ENTREP2: variants seen among roughly 807,000 people sequenced by gnomAD.
The protein encoded by ENTREP2 is endosomal transmembrane epsin interactor 2.
At chr15:29,394,882 CTTTTTT>C in the ENTREP2 span, among the ~76,000 whole-genome samples, 151 of 95,832 alleles carry the variant, frequency 1.6e-3, no homozygotes, top group African/African-American at 7.1e-3. Flanking sequence ...GTCAGAATCT[CTTTTTT>C]TTTTTTTTTT....
the ENTREP2 span, among the ~76,000 whole-genome samples, chr15:29,429,119 A>G: frequency 6.6e-6 from 1 of 151,984 alleles, no homozygotes; most frequent in Non-Finnish European, 1.5e-5. Flanking sequence ...CTATCTATCC[A>G]TCCGTCCATT....
chr15:29,280,569 G>C, the ENTREP2 span, among the ~76,000 whole-genome samples: 766 of 152,254 alleles, frequency 5.0e-3, 6 homozygotes, highest in African/African-American at 0.018. Flanking sequence ...TAAATACAAA[G>C]ATGTTCCCTG....
the ENTREP2 span, among the ~76,000 whole-genome samples, chr15:29,353,492 T>A: frequency 6.6e-6 from 1 of 152,288 alleles, no homozygotes; most frequent in South Asian, 2.1e-4. Context: ...AGCGTATGAA[T>A]CTATGTCTAT....
chr15:29,532,441 A>G, the ENTREP2 span, among the ~76,000 whole-genome samples: 1 of 152,322 alleles, frequency 6.6e-6, no homozygotes, highest in South Asian at 2.1e-4. Flanking sequence ...TAAGCATAAA[A>G]CATGATCATA....
chr15:29,248,634 C>A, the ENTREP2 span, among the ~76,000 whole-genome samples: 1 of 151,914 alleles, frequency 6.6e-6, no homozygotes, highest in Non-Finnish European at 1.5e-5. Flanking sequence ...TATGTATATG[C>A]AATTATAAAT....
chr15:29,194,637 C>T, the ENTREP2 span, among the ~76,000 whole-genome samples: 2 of 152,310 alleles, frequency 1.3e-5, no homozygotes, highest in Non-Finnish European at 2.9e-5. Context: ...CTTTTCTCAC[C>T]AATGTACCAG....
the ENTREP2 span, among the ~76,000 whole-genome samples, chr15:29,622,294 C>T: frequency 2.0e-5 from 3 of 152,092 alleles, no homozygotes; most frequent in African/African-American, 7.2e-5. Context: ...CAACCTCTGC[C>T]TCCCAGGTTC....
the ENTREP2 span, among the ~76,000 whole-genome samples, chr15:29,363,950 T>C: frequency 6.6e-6 from 1 of 152,198 alleles, no homozygotes; most frequent in Non-Finnish European, 1.5e-5. Context: ...ACCAGGGCTT[T>C]TGGTGCCACA....
the ENTREP2 span, among the ~76,000 whole-genome samples, chr15:29,352,184 C>G: frequency 6.6e-6 from 1 of 152,260 alleles, no homozygotes; most frequent in African/African-American, 2.4e-5. Context: ...ATCCTCCTGC[C>G]TTGGCCTCCC....
At chr15:29,586,750 A>G in the ENTREP2 span, among the ~76,000 whole-genome samples, 16 of 151,954 alleles carry the variant, frequency 1.1e-4, 1 homozygote, top group African/African-American at 2.9e-4. Flanking sequence ...TACTGTCTCA[A>G]AAAAATAAAA....
chr15:29,552,140 T>C, the ENTREP2 span, among the ~76,000 whole-genome samples: 26 of 152,198 alleles, frequency 1.7e-4, no homozygotes, highest in East Asian at 7.7e-4. Context: ...TGATGAGCAG[T>C]CCTCAAGATA....
At chr15:29,648,355 A>G in the ENTREP2 span, among the ~76,000 whole-genome samples, 8 of 152,278 alleles carry the variant, frequency 5.3e-5, no homozygotes, top group East Asian at 1.2e-3. Context: ...CAGGCTGTTC[A>G]GTCCATACTA....
chr15:29,439,886 T>C, the ENTREP2 span, among the ~76,000 whole-genome samples: 2 of 152,152 alleles, frequency 1.3e-5, no homozygotes, highest in African/African-American at 4.8e-5. Context: ...GGCCAGGTGA[T>C]CAAGGTTAAC....
chr15:29,548,182 G>A, the ENTREP2 span, among the ~76,000 whole-genome samples: 13 of 151,982 alleles, frequency 8.6e-5, no homozygotes, highest in Admixed American at 2.0e-4. Context: ...AGATGGGGCC[G>A]GGTGGCTCAC....
At chr15:29,547,551 A>G in the ENTREP2 span, among the ~76,000 whole-genome samples, 1 of 152,224 alleles carries the variant, frequency 6.6e-6, no homozygotes, top group African/African-American at 2.4e-5. Context: ...CCTCATCAGG[A>G]TGGCTATCAT....
chr15:29,666,877 G>A, the ENTREP2 span, among the ~76,000 whole-genome samples: 2 of 152,196 alleles, frequency 1.3e-5, no homozygotes, highest in African/African-American at 2.4e-5. Flanking sequence ...ACGCTCTCTC[G>A]CTCTGAAAGC....
the ENTREP2 span, among the ~76,000 whole-genome samples, chr15:29,648,077 C>T: frequency 3.4e-5 from 5 of 147,732 alleles, no homozygotes; most frequent in African/African-American, 1.3e-4. Flanking sequence ...GCCCCAATAC[C>T]GGCTCCACCT....
the ENTREP2 span, among the ~76,000 whole-genome samples, chr15:29,321,339 G>C: frequency 6.6e-6 from 1 of 152,086 alleles, no homozygotes; most frequent in African/African-American, 2.4e-5. Context: ...TGTATATCCA[G>C]CAAAATTATC....
the ENTREP2 span, among the ~76,000 whole-genome samples, chr15:29,230,243 T>C: frequency 6.6e-6 from 1 of 152,212 alleles, no homozygotes; most frequent in African/African-American, 2.4e-5. Flanking sequence ...GCGTTTCCAA[T>C]CTTATTTCTT....
Sources: gnomAD v4.1 joint callset for allele counts (sites outside exome capture counted in the v4.1 genomes callset) on GRCh38, gnomAD v4.1.1 for gene constraint, MANE v1.5 for transcripts, NCBI Gene and HGNC (gene_info 2026-07-23, HGNC 2026-07-21) for gene names.